ANKIB1: variants seen among roughly 807,000 people sequenced by gnomAD.
ANKIB1 encodes the protein ankyrin repeat and IBR domain containing 1, also known as ankyrin repeat and IBR domain-containing protein 1.
Under a neutral mutation model 122.1 loss-of-function variants are expected in ANKIB1, and 43 were observed. The observed-to-expected ratio is 0.35, with a 90% CI of 0.28 to 0.45. The LOEUF (loss-of-function observed/expected upper bound fraction) is 0.45, where lower values mean the gene tolerates loss of function less well. Among genes scored for constraint, ANKIB1 ranks in the 20% least tolerant of loss-of-function variants. The pLI is 1.00. For synonymous variants in ANKIB1, 390 were observed against 442.0 expected (o/e 0.88, Z 1.48); for missense variants, 992 against 1,329.5 (o/e 0.75, Z 3.95).
At chr7:92,351,124 T>C (rs763013007) in intron 8 of ANKIB1, 30 bp downstream of exon 8, 25 of 1,428,006 alleles carry the variant, frequency 1.8e-5, no homozygotes, top group Admixed American at 3.2e-5. Context: ...ATCTGTCCAA[T>C]TTCCATAATT....
chr7:92,296,979 A>AT (rs1205267722), intron 2 of ANKIB1, among the ~76,000 whole-genome samples: 3 of 152,132 alleles, frequency 2.0e-5, no homozygotes, highest in Non-Finnish European at 4.4e-5. Flanking sequence ...GTTGTTTGAA[A>AT]TTTTATATTT....
chr7:92,348,104 G>T, intron 7 of ANKIB1: 1 of 339,902 alleles, frequency 2.9e-6, no homozygotes, highest in Non-Finnish European at 5.7e-6. Context: ...GTGTCTTGAT[G>T]AGAAATAATA....
chr7:92,391,085 T>G, intron 15 of ANKIB1, 81 bp from the exon 16 acceptor site: 1 of 1,230,228 alleles, frequency 8.1e-7, no homozygotes, highest in Non-Finnish European at 1.1e-6. Flanking sequence ...TAGATTTAAC[T>G]GAGAAACCAC....
At chr7:92,288,424 A>C (rs1366225175) in intron 1 of ANKIB1, among the ~76,000 whole-genome samples, 2 of 152,332 alleles carry the variant, frequency 1.3e-5, no homozygotes, top group South Asian at 2.1e-4. Flanking sequence ...TTCTCCCAGT[A>C]ATCAAGACAA....
At chr7:92,337,196 T>G (rs1296817033) in intron 5 of ANKIB1, among the ~76,000 whole-genome samples, 5 of 152,190 alleles carry the variant, frequency 3.3e-5, no homozygotes, top group Admixed American at 6.5e-5. Flanking sequence ...CTTTGAGAAT[T>G]CCAAATGGAG....
chr7:92,380,271 C>T (rs1214328023), intron 11 of ANKIB1, among the ~76,000 whole-genome samples: 1 of 152,146 alleles, frequency 6.6e-6, no homozygotes, highest in African/African-American at 2.4e-5. Context: ...CAACAAGGCC[C>T]CCCTGCTTCT....
intron 1 of ANKIB1, among the ~76,000 whole-genome samples, chr7:92,250,928 A>G (rs1045447283): frequency 1.7e-4 from 26 of 152,208 alleles, no homozygotes; most frequent in African/African-American, 4.6e-4. Flanking sequence ...TGCTATTCTC[A>G]GGATAATGAT....
Position 92,292,393 on chromosome 7 carries a change from T to C in ANKIB1, c.-90-2496T>C, listed in dbSNP as rs570013391. Among the ~76,000 whole-genome samples the C allele has an allele frequency of 1.4e-4, 21 of 152,358 alleles. No individual in the cohort carries two copies. In the South Asian group the frequency reaches 4.3e-3, roughly 32 times the overall value. On this transcript the variant is annotated intron_variant, in intron 1 of 19. Coordinates refer to ENST00000265742, the MANE Select transcript of ANKIB1 (RefSeq NM_019004.2). ...TTATAGATTTTTTTTAAAAACTTGT[T>C]GCTTTAAATGAGTACTCCATGATAA...
At chr7:92,338,670 G>C (rs1803346996) in intron 5 of ANKIB1, among the ~76,000 whole-genome samples, 1 of 151,210 alleles carries the variant, frequency 6.6e-6, no homozygotes, top group Non-Finnish European at 1.5e-5. Flanking sequence ...CCAGCACTTT[G>C]GGAGGCCAAG....
intron 5 of ANKIB1, among the ~76,000 whole-genome samples, chr7:92,342,455 T>C (rs754469310): frequency 1.3e-5 from 2 of 152,208 alleles, no homozygotes; most frequent in Non-Finnish European, 2.9e-5. Context: ...TTTTTTTTAG[T>C]TAAGCCAGGT....
At chr7:92,313,744 T>C (rs538090789) in intron 3 of ANKIB1, among the ~76,000 whole-genome samples, 61 of 152,250 alleles carry the variant, frequency 4.0e-4, no homozygotes, top group African/African-American at 1.4e-3. Flanking sequence ...AAACAAATTA[T>C]TGGGCCAACC....
At chr7:92,338,925 AAAAAAAAAATATATAT>A (rs1469081986) in intron 5 of ANKIB1, among the ~76,000 whole-genome samples, 2 of 59,206 alleles carry the variant, frequency 3.4e-5, no homozygotes, top group African/African-American at 6.6e-5. Context: ...AAAAAAAAAA[AAAAAAAAAATATATAT>A]ATATATATAT....
At chr7:92,314,259 C>T (rs1802748340) in intron 3 of ANKIB1, among the ~76,000 whole-genome samples, 1 of 151,610 alleles carries the variant, frequency 6.6e-6, no homozygotes, top group East Asian at 1.9e-4. Flanking sequence ...GATCATGCTA[C>T]TGTACTCCAG....
intron 1 of ANKIB1, among the ~76,000 whole-genome samples, chr7:92,255,099 A>T (rs991924404): frequency 1.3e-5 from 2 of 152,200 alleles, no homozygotes; most frequent in African/African-American, 2.4e-5. Flanking sequence ...GGCCCCAGCC[A>T]TGTGGAACCA....
intron 4 of ANKIB1, among the ~76,000 whole-genome samples, chr7:92,323,266 T>G (rs1289018730): frequency 6.6e-6 from 1 of 152,196 alleles, no homozygotes; most frequent in East Asian, 1.9e-4. Flanking sequence ...CTCCACATTC[T>G]TGCTAGCATT....
intron 2 of ANKIB1, among the ~76,000 whole-genome samples, chr7:92,300,004 C>T (rs775669299): frequency 2.0e-4 from 31 of 152,132 alleles, no homozygotes; most frequent in South Asian, 8.3e-4. Context: ...GATGGGATTT[C>T]GCCATGTTGG....
Position 92,399,669 on chromosome 7 carries a change from A to G in ANKIB1, c.*720A>G, listed in dbSNP as rs1452462971. 1 of 152,214 alleles carries G rather than the reference A, an allele frequency of 6.6e-6. No homozygotes were observed. Among genetic ancestry groups the G allele is most frequent in the African/African-American group, 2.4e-5 (1 of 41,458 alleles). The allele number at this position is 152,214 out of a possible 1,614,324, so 9.4% of individuals were successfully genotyped here. On this transcript the variant is annotated 3_prime_UTR_variant, in exon 20 of 20. Coordinates refer to ENST00000265742, the MANE Select transcript of ANKIB1 (RefSeq NM_019004.2). ...TAAAAGGTGCCACTTGGTAGCAATG[A>G]TATTCCAGAATTAAATGGGTTTTTG...
intron 2 of ANKIB1, among the ~76,000 whole-genome samples, chr7:92,305,415 A>C (rs1802540413): frequency 1.3e-5 from 2 of 152,208 alleles, no homozygotes. Context: ...AAATTATGGC[A>C]TGAATTTGCT....
chr7:92,330,406 T>C (rs1352835621), intron 5 of ANKIB1, among the ~76,000 whole-genome samples: 2 of 152,192 alleles, frequency 1.3e-5, no homozygotes, highest in African/African-American at 4.8e-5. Flanking sequence ...AATGTTTTTT[T>C]ATATTTTTTG....
Sources: allele counts gnomAD v4.1 joint callset (sites outside exome capture counted in the v4.1 genomes callset), GRCh38; gene constraint gnomAD v4.1.1; transcripts MANE v1.5; gene names NCBI Gene and HGNC (gene_info 2026-07-23, HGNC 2026-07-21).